Variants in TLK1 observed in about 807,000 individuals in gnomAD.
The protein encoded by TLK1 is tousled like kinase 1.
A neutral mutation model predicts 105.3 loss-of-function variants in TLK1; 24 were observed. The ratio of observed to expected loss-of-function variants is 0.23; its 90% confidence interval spans 0.17 to 0.32. The LOEUF (loss-of-function observed/expected upper bound fraction) is 0.32. TLK1 is among the 10% of genes least tolerant of loss of function. The pLI is 1.00. For synonymous variants in TLK1, 321 were observed against 310.4 expected, an observed-to-expected ratio of 1.03 and a Z score of -0.36; for missense variants, 558 against 910.5, an observed-to-expected ratio of 0.61 and a Z score of 4.98.
intron 1 of TLK1, among the ~76,000 whole-genome samples, chr2:171,204,331 G>A (rs930398734): frequency 1.4e-4 from 21 of 152,282 alleles, no homozygotes; most frequent in Admixed American, 3.9e-4. Flanking sequence ...ATCTAAGTTG[G>A]AACCCCAGTG....
chr2:171,221,955 A>G (rs927331877), intron 1 of TLK1, among the ~76,000 whole-genome samples: 2 of 152,214 alleles, frequency 1.3e-5, no homozygotes, highest in African/African-American at 4.8e-5. Context: ...TTTTTGGAGG[A>G]CACATTTACT....
At chr2:171,214,209 A>C (rs1300763440) in intron 1 of TLK1, among the ~76,000 whole-genome samples, 1 of 152,086 alleles carries the variant, frequency 6.6e-6, no homozygotes, top group Non-Finnish European at 1.5e-5. Flanking sequence ...TGTCTCAAGA[A>C]AAAAGACAAA....
At position 171,129,199 on chromosome 2, in the gene TLK1, C is replaced by G. The variant is rs1467945392; in HGVS notation, c.140-11342G>C. ...CTCTTTTTTGGTTTCATCCCTTTCC[C>G]TCATTACTAAGTAATAGGTGCTTCT... On this transcript the variant is annotated intron_variant, in intron 1 of 20. Coordinates refer to ENST00000431350, the MANE Select transcript of TLK1 (RefSeq NM_012290.5). Among the ~76,000 whole-genome samples the G allele has an allele frequency of 3.9e-5, 6 of 152,162 alleles. No homozygotes were observed. In the South Asian group the frequency reaches 1.2e-3, roughly 32 times the overall value.
At chr2:171,081,779 A>G (rs1688764624) in intron 3 of TLK1, 2 of 1,082,538 alleles carry the variant, frequency 1.8e-6, no homozygotes, top group Admixed American at 4.8e-5. Context: ...GTGCCTGCAC[A>G]GAACTGCACG....
chr2:171,179,721 G>A (rs1259282895), intron 1 of TLK1, among the ~76,000 whole-genome samples: 1 of 152,150 alleles, frequency 6.6e-6, no homozygotes, highest in Non-Finnish European at 1.5e-5. Context: ...ACTTTGGGAG[G>A]CCAAGGCCGG....
At chr2:171,177,323 G>C (rs1410282099) in intron 1 of TLK1, among the ~76,000 whole-genome samples, 1 of 151,744 alleles carries the variant, frequency 6.6e-6, no homozygotes, top group East Asian at 1.9e-4. Context: ...TAAATTTTTT[G>C]TAGAGATGGT....
intron 1 of TLK1, among the ~76,000 whole-genome samples, chr2:171,187,561 A>C (rs1026627037): frequency 7.9e-5 from 12 of 152,216 alleles, no homozygotes; most frequent in African/African-American, 2.9e-4. Flanking sequence ...CTGAAGTGTT[A>C]GACAGAATTT....
chr2:171,045,055 T>C (rs1166445304), intron 11 of TLK1, among the ~76,000 whole-genome samples: 1 of 152,014 alleles, frequency 6.6e-6, no homozygotes, highest in Non-Finnish European at 1.5e-5. Flanking sequence ...TTAATGGTTT[T>C]GCTTACATGT....
At chr2:171,080,298 A>G (rs949286247) in intron 3 of TLK1, among the ~76,000 whole-genome samples, 3 of 151,926 alleles carry the variant, frequency 2.0e-5, no homozygotes, top group Non-Finnish European at 4.4e-5. Flanking sequence ...TGGATTACCA[A>G]AAGAATAGTG....
intron 1 of TLK1, among the ~76,000 whole-genome samples, chr2:171,213,831 T>G (rs1693664000): frequency 7.3e-6 from 1 of 137,886 alleles, no homozygotes. Flanking sequence ...CAAATGATCC[T>G]CCCACCTCAG....
intron 1 of TLK1, among the ~76,000 whole-genome samples, chr2:171,148,834 C>A (rs1005431251): frequency 6.8e-6 from 1 of 146,942 alleles, no homozygotes; most frequent in African/African-American, 2.5e-5. Context: ...GAGCCGAGAT[C>A]GTGCCACTAC....
At chr2:171,047,942 A>G (rs1050276872) in intron 10 of TLK1, among the ~76,000 whole-genome samples, 2 of 151,980 alleles carry the variant, frequency 1.3e-5, no homozygotes, top group Non-Finnish European at 2.9e-5. Flanking sequence ...ACAAGTAATT[A>G]TTTTCTTTTT....
intron 1 of TLK1, among the ~76,000 whole-genome samples, chr2:171,207,824 G>A (rs1264117966): frequency 1.3e-5 from 2 of 152,102 alleles, no homozygotes; most frequent in African/African-American, 4.8e-5. Flanking sequence ...ACGTCCAAGT[G>A]ATTCTCTTCT....
chr2:171,090,186 T>C (rs1254070365), intron 2 of TLK1, among the ~76,000 whole-genome samples: 3 of 152,140 alleles, frequency 2.0e-5, no homozygotes, highest in East Asian at 3.8e-4. Context: ...TTTCAACTTA[T>C]ATTTTTATTA....
chr2:171,070,637 C>G (rs184813709), intron 3 of TLK1, among the ~76,000 whole-genome samples: 3 of 151,876 alleles, frequency 2.0e-5, no homozygotes, highest in African/African-American at 7.3e-5. Context: ...TAGTACTCCA[C>G]TGTGCGTATG....
chr2:171,058,130 G>A (rs1445557459), intron 5 of TLK1, 21 bp downstream of exon 5: 1 of 1,612,658 alleles, frequency 6.2e-7, no homozygotes, highest in Admixed American at 1.7e-5. Context: ...AGGAAATGGA[G>A]ACAATCCTCA....
intron 1 of TLK1, among the ~76,000 whole-genome samples, chr2:171,196,953 TATAGCTAGAAGCTAC>T (rs1347315759): frequency 1.3e-5 from 2 of 152,368 alleles, no homozygotes; most frequent in Middle Eastern, 3.4e-3. Context: ...GTAATGAGCA[TATAGCTAGAAGCTAC>T]ATTTCACGTA....
At chr2:170,996,631 C>T (rs374595379) in intron 20 of TLK1, 22 bp downstream of exon 20, 3 of 1,590,610 alleles carry the variant, frequency 1.9e-6, no homozygotes, top group Non-Finnish European at 2.6e-6. Context: ...CTTCACAAAA[C>T]TCATTTACAA....
At chr2:171,117,547 T>C (rs538770816) in intron 2 of TLK1, among the ~76,000 whole-genome samples, 192 bp downstream of exon 2, 16 of 152,318 alleles carry the variant, frequency 1.1e-4, no homozygotes, top group African/African-American at 3.8e-4. Flanking sequence ...CTGAAACATA[T>C]TATGCTGTAT....
Sources: gnomAD v4.1 joint callset for allele counts (sites outside exome capture counted in the v4.1 genomes callset) on GRCh38, gnomAD v4.1.1 for gene constraint, MANE v1.5 for transcripts, NCBI Gene and HGNC (gene_info 2026-07-23, HGNC 2026-07-21) for gene names.